Variants in SYNE1 observed in about 807,000 individuals in gnomAD.
The protein encoded by SYNE1 is nesprin-1.
SYNE1 carries 616 observed loss-of-function variants against 1,111.0 expected under a neutral mutation model. The observed-to-expected ratio is 0.55, with a 90% CI of 0.52 to 0.59. The LOEUF (loss-of-function observed/expected upper bound fraction) is 0.59. Among genes scored for constraint, SYNE1 ranks in the 20% least tolerant of loss-of-function variants. The pLI is 0.00. For synonymous variants in SYNE1, 3,855 were observed against 3,825.8 expected, an observed-to-expected ratio of 1.01 and a Z score of -0.28; for missense variants, 10,006 against 10,417.0, an observed-to-expected ratio of 0.96 and a Z score of 1.72.
At chr6:152,529,300 T>A (rs537750687) in intron 4 of SYNE1, among the ~76,000 whole-genome samples, 1 of 152,344 alleles carries the variant, frequency 6.6e-6, no homozygotes, top group African/African-American at 2.4e-5. Context: ...GCATGAACAT[T>A]TTTTATTTCA....
rs752751370 is a variant in SYNE1, at chr6:152,148,294, G to A, written c.24727C>T (p.Arg8243Cys). The change falls in exon 137 of 146, where the codon CGC becomes TGC. Residue 8243 changes from arginine to cysteine, a missense_variant. Arg to Cys is a radical substitution (Grantham distance 180). Coordinates refer to ENST00000367255, the MANE Select transcript of SYNE1 (RefSeq NM_182961.4). This position sits in a 1 kb window ranked among gnomAD's most constrained non-coding sequence, Gnocchi z 4.1. ...GGAGAAAGCAGGCTGTCTGCAGAGC[G>A]GTCGTGCCAGTGCAGGTCCGACAGA... ...AALSDLHWHD[R>C]SADSLLSPQP... The A allele has an allele frequency of 7.4e-6, 12 of 1,613,744 alleles. No homozygotes were observed. Among genetic ancestry groups the A allele is most frequent in the Admixed American group, 6.7e-5 (4 of 59,992 alleles).
intron 56 of SYNE1, among the ~76,000 whole-genome samples, chr6:152,377,936 T>C (rs926796714): frequency 6.6e-6 from 1 of 152,000 alleles, no homozygotes; most frequent in South Asian, 2.1e-4. Context: ...GGGAGACACA[T>C]GAATAGCTAC....
chr6:152,402,406 T>A (rs1391353399), intron 46 of SYNE1: 2 of 152,202 alleles, frequency 1.3e-5, no homozygotes, highest in African/African-American at 4.8e-5. Flanking sequence ...AATATCCTCA[T>A]ATGGTGGTCT....
intron 121 of SYNE1, among the ~76,000 whole-genome samples, chr6:152,217,431 T>A (rs2079027383): frequency 6.6e-6 from 1 of 151,980 alleles, no homozygotes; most frequent in Non-Finnish European, 1.5e-5. Flanking sequence ...ATTAAATTAT[T>A]TTTGATGGAC....
Position 152,236,847 on chromosome 6 carries a change from G to A in SYNE1, c.20169C>T (p.Asp6723=), listed in dbSNP as rs367936675. The change falls in exon 109 of 146, where the codon GAC becomes GAT. Residue 6723 remains aspartate, a synonymous_variant. Coordinates refer to ENST00000367255, the MANE Select transcript of SYNE1 (RefSeq NM_182961.4). ...PSVGLVEENE[D]RLIDRITLYQ... ...AGAGTGTTATGCGGTCAATAAGCCT[G>A]TCCTCGTTCTCCTCCACCAGACCCA... The A allele has an allele frequency of 1.8e-4, 298 of 1,614,054 alleles. 1 individual carries two copies. Among genetic ancestry groups the A allele is most frequent in the Non-Finnish European group, 2.5e-4 (293 of 1,180,024 alleles).
chr6:152,476,813 G>A (rs2098837327), intron 14 of SYNE1, among the ~76,000 whole-genome samples: 1 of 151,060 alleles, frequency 6.6e-6, no homozygotes, highest in Admixed American at 6.6e-5. Context: ...AGGCTGCAGT[G>A]AGCCATGACC....
At position 152,130,727 on chromosome 6, in the gene SYNE1, G is replaced by A. The variant is rs2055335108; in HGVS notation, c.26146C>T (p.His8716Tyr). ...SQPGPSVSSPHSRSTKGGSDS... is the reference protein window; with the variant it reads ...SQPGPSVSSPYSRSTKGGSDS... The stretch of plus-strand genomic sequence containing the variant: ...ACCAGGAGAAGGAGGTACCTGCTAT[G>A]TGGACTGCTGACAGAGGGTCCAGGC... The change falls in exon 145 of 146, where the codon CAT becomes TAT. Residue 8716 changes from histidine (H) to tyrosine (Y), a missense_variant. This residue lies in a region of SYNE1 where 761 missense variants were observed against 795.5 expected (regional missense o/e 0.96). Transcript: ENST00000367255. 2 of 1,614,216 alleles carry A rather than the reference G, an allele frequency of 1.2e-6. No individual in the cohort carries two copies. The highest frequency in any genetic ancestry group is 1.7e-6 in the Non-Finnish European group (2 of 1,180,038).
chr6:152,351,888 T>A, intron 70 of SYNE1, 139 bp downstream of exon 70: 1 of 760,200 alleles, frequency 1.3e-6, no homozygotes, highest in Non-Finnish European at 2.2e-6. Context: ...GGTCATGGCA[T>A]CACTGGTCAG....
At chr6:152,582,082 A>T (rs895480593) in intron 3 of SYNE1, among the ~76,000 whole-genome samples, 3 of 152,140 alleles carry the variant, frequency 2.0e-5, no homozygotes, top group African/African-American at 7.2e-5. Context: ...TATGACATAC[A>T]GCTTGCTTCT....
chr6:152,367,059 C>A, intron 62 of SYNE1, 159 bp downstream of exon 62: 1 of 875,102 alleles, frequency 1.1e-6, no homozygotes, highest in East Asian at 2.5e-5. Flanking sequence ...CAGGAATTCT[C>A]TGGCATGTGC....
intron 135 of SYNE1, among the ~76,000 whole-genome samples, chr6:152,150,331 A>G (rs925041303): frequency 1.9e-4 from 29 of 152,236 alleles, no homozygotes; most frequent in African/African-American, 5.5e-4. Context: ...TCCAATGGTG[A>G]AAAAGACTCC....
chr6:152,330,689 C>G lies in SYNE1; in HGVS notation c.13996G>C (p.Val4666Leu), dbSNP rs941702220. The part of the protein sequence containing the change: ...VALAKDKFYK[V>L]QEAILARKEY... Reference sequence around the variant, plus strand: ...TTCCGAGCAAGAATTGCTTCCTGGACTTTATAGAACTTGTCTTTAGCCAAG... The same window carrying G: ...TTCCGAGCAAGAATTGCTTCCTGGAGTTTATAGAACTTGTCTTTAGCCAAG... The change falls in exon 78 of 146, where the codon GTC becomes CTC. Residue 4666 changes from valine (V) to leucine (L), a missense_variant. Val to Leu is a conservative substitution (Grantham distance 32, BLOSUM62 1). Around this residue, in one of 7 missense-constraint regions of SYNE1, gnomAD observed 4,955 missense variants for 5,017.2 expected, o/e 0.99. Coordinates refer to ENST00000367255, the MANE Select transcript of SYNE1 (RefSeq NM_182961.4). The G allele has an allele frequency of 1.9e-6, 3 of 1,613,890 alleles. No individual in the cohort carries two copies. In the African/African-American group the frequency reaches 4.0e-5, roughly 22 times the overall value.
chr6:152,188,561 T>C (rs1448514334), intron 128 of SYNE1, among the ~76,000 whole-genome samples: 1 of 152,084 alleles, frequency 6.6e-6, no homozygotes, highest in East Asian at 1.9e-4. Context: ...AGCTCCACAG[T>C]ATTAGCTAAT....
intron 95 of SYNE1, among the ~76,000 whole-genome samples, chr6:152,287,211 T>C (rs1412600079): frequency 6.6e-6 from 1 of 152,220 alleles, no homozygotes; most frequent in Non-Finnish European, 1.5e-5. Flanking sequence ...ACTTCACATT[T>C]AGATCTACAA....
intron 61 of SYNE1, 123 bp downstream of exon 61, chr6:152,368,849 T>G: frequency 1.6e-6 from 2 of 1,220,814 alleles, no homozygotes; most frequent in Non-Finnish European, 2.4e-6. Flanking sequence ...CGCCCCTTAC[T>G]GCTGACCTGG....
chr6:152,210,866 T>C (rs997759983), intron 124 of SYNE1, among the ~76,000 whole-genome samples: 1 of 152,194 alleles, frequency 6.6e-6, no homozygotes, highest in African/African-American at 2.4e-5. Flanking sequence ...TAATTTGCTA[T>C]TGTAAATGAA....
rs764484003 is a variant in SYNE1, at chr6:152,401,143, C to T, written c.7024G>A (p.Val2342Ile). The T allele has an allele frequency of 1.6e-5, 26 of 1,613,942 alleles. 1 individual carries two copies. In the South Asian group the frequency reaches 2.4e-4, roughly 15 times the overall value. ...AATGATAGTTTATTACCTACCTTGACTTTTTTCAATGCTTCACAAGTCTCA... is the reference window on the plus strand; with the variant it reads ...AATGATAGTTTATTACCTACCTTGATTTTTTTCAATGCTTCACAAGTCTCA... ...QNETCEALKKVKDIQKELQSQ... is the reference protein window; with the variant it reads ...QNETCEALKKIKDIQKELQSQ... The change falls in exon 47 of 146, where the codon GTC (valine) becomes ATC (isoleucine). Residue 2342 changes from valine (V) to isoleucine (I), a missense_variant. Val to Ile is a conservative substitution (Grantham distance 29, BLOSUM62 3). Around this residue, in one of 7 missense-constraint regions of SYNE1, gnomAD observed 4,955 missense variants for 5,017.2 expected, o/e 0.99. Coordinates refer to ENST00000367255, the MANE Select transcript of SYNE1 (RefSeq NM_182961.4).
intron 3 of SYNE1, among the ~76,000 whole-genome samples, chr6:152,594,748 T>A (rs1480803507): frequency 6.6e-6 from 1 of 152,156 alleles, no homozygotes; most frequent in Non-Finnish European, 1.5e-5. Flanking sequence ...TTCTACTGAG[T>A]CAGTCTCCAC....
At chr6:152,430,358 C>T in intron 35 of SYNE1, 124 bp downstream of exon 35, 1 of 1,138,690 alleles carries the variant, frequency 8.8e-7, no homozygotes, top group South Asian at 1.3e-5. Context: ...CTAAAATCAA[C>T]ATGTCCCATT....
Sources: allele counts gnomAD v4.1 joint callset (sites outside exome capture counted in the v4.1 genomes callset), GRCh38; gene constraint gnomAD v4.1.1; regional missense constraint gnomAD v4.1.1; non-coding constraint Gnocchi (gnomAD v3.1); transcripts MANE v1.5; gene names NCBI Gene and HGNC (gene_info 2026-07-23, HGNC 2026-07-21).